The following AAR2 variants were observed in gnomAD, a reference collection of about 807,000 sequenced individuals.
The protein encoded by AAR2 is protein AAR2 homolog.
A neutral mutation model predicts 26.9 loss-of-function variants in AAR2; 31 were observed. The ratio of observed to expected loss-of-function variants is 1.15; its 90% CI spans 0.86 to 1.55. The LOEUF is 1.55. AAR2 is among the 40% of genes most tolerant of loss of function. The probability of loss-of-function intolerance (pLI) is 0.00; values close to 1 mark genes in which losing one functional copy is unlikely to be tolerated. For missense variants in AAR2, 430 were observed against 491.3 expected, an observed-to-expected ratio of 0.88 and a Z score of 1.18; for synonymous variants, 188 against 196.1, an observed-to-expected ratio of 0.96 and a Z score of 0.34.
intron 2 of AAR2, among the ~76,000 whole-genome samples, chr20:36,242,386 TTG>T (rs2064692047): frequency 6.7e-6 from 1 of 149,420 alleles, no homozygotes; most frequent in Non-Finnish European, 1.5e-5. Context: ...GTTGTTGTTG[TTG>T]TTGTTGTTGT....
At chr20:36,251,195 CAA>C (rs36018770) in intron 3 of AAR2, among the ~76,000 whole-genome samples, 26 of 136,652 alleles carry the variant, frequency 1.9e-4, no homozygotes, top group African/African-American at 3.0e-4. Flanking sequence ...GACCCTATCT[CAA>C]AAAAAAAAAA....
At chr20:36,243,224 A>G (rs1441264041) in intron 2 of AAR2, among the ~76,000 whole-genome samples, 2 of 152,246 alleles carry the variant, frequency 1.3e-5, no homozygotes, top group Admixed American at 1.3e-4. Context: ...AAATGCACAA[A>G]TTTAATAAAT....
chr20:36,247,633 C>T (rs577207460), intron 3 of AAR2, among the ~76,000 whole-genome samples: 5 of 152,132 alleles, frequency 3.3e-5, no homozygotes, highest in South Asian at 4.2e-4. Context: ...TTTGGGAGGC[C>T]GAGGCTGGAG....
chr20:36,239,374 G>A (rs945627212), intron 1 of AAR2, among the ~76,000 whole-genome samples: 5 of 152,132 alleles, frequency 3.3e-5, no homozygotes, highest in Non-Finnish European at 7.3e-5. Flanking sequence ...AAATCTTTTG[G>A]GATAGTTTTT....
At position 36,239,868 on chromosome 20, in the gene AAR2, C is replaced by T; in HGVS notation, c.-1C>T. 6.3e-7 allele frequency: 1 copy of T among 1,575,226 alleles called. No individual in the cohort carries two copies. Among genetic ancestry groups the T allele is most frequent in the East Asian group, 2.3e-5 (1 of 44,134 alleles). On this transcript the variant is annotated 5_prime_UTR_variant, in exon 2 of 4. Coordinates refer to ENST00000320849, the MANE Select transcript of AAR2 (RefSeq NM_001271874.2). ...TCTTTTGGTCACCCACCACTGGCCC[C>T]ATGGCTGCCGTGCAGATGGATCCTG...
chr20:36,244,559 G>T, intron 2 of AAR2, 138 bp from the exon 3 acceptor site: 2 of 785,842 alleles, frequency 2.5e-6, no homozygotes, highest in Non-Finnish European at 4.2e-6. Flanking sequence ...TCTCCTGCCA[G>T]GCTCTGCAGG....
At chr20:36,237,438 C>T (rs2064622105) in intron 1 of AAR2, among the ~76,000 whole-genome samples, 1 of 152,068 alleles carries the variant, frequency 6.6e-6, no homozygotes, top group Non-Finnish European at 1.5e-5. Context: ...TTTAGGTGTT[C>T]CAGGACTGTG....
At chr20:36,238,206 A>G (rs1282641412) in intron 1 of AAR2, among the ~76,000 whole-genome samples, 2 of 152,202 alleles carry the variant, frequency 1.3e-5, no homozygotes, top group Admixed American at 6.5e-5. Flanking sequence ...AGAAAACAGT[A>G]CTTAGCTTTA....
In AAR2 at chr20:36,240,394, C is replaced by T; in HGVS notation, c.526C>T (p.Gln176Ter). 1 of 1,614,234 alleles carries T rather than the reference C, an allele frequency of 6.2e-7. No individual in the cohort carries two copies. The highest frequency in any genetic ancestry group is 8.5e-7 in the Non-Finnish European group (1 of 1,180,044). The change falls in exon 2 of 4, where the codon CAG becomes TAG. Residue 176 changes from glutamine to a stop codon, truncating the protein, a stop_gained. Transcript: ENST00000320849. LOFTEE classifies it high-confidence loss of function. The stretch of plus-strand genomic sequence containing the variant: ...GAAGCACACCAAGGACCGCGTGGGG[C>T]AGAATCTACCCCGCTGTGGCATTGA... ...SMKHTKDRVG[Q>*]NLPRCGIECK...
At position 36,256,079 on chromosome 20, in the gene AAR2, C is replaced by T; in HGVS notation, c.*334C>T. On this transcript the variant is annotated 3_prime_UTR_variant, in exon 4 of 4. Transcript: ENST00000320849. ...TCCTCTGAATGAGAAGGAATTGAAC[C>T]AAAAGTCCAAGAAAGAACTGATTGC... is the stretch of plus-strand genomic sequence containing the variant. 4.3e-6 allele frequency: 1 copy of T among 230,266 alleles called. No individual in the cohort carries two copies. Among genetic ancestry groups the T allele is most frequent in the Admixed American group, 5.2e-5 (1 of 19,062 alleles). The allele number at this position is 230,266 out of a possible 1,614,324, so 14.3% of individuals were successfully genotyped here. A position where few individuals can be genotyped will look rare whatever the true frequency, so the allele number is the denominator to read the frequency against.
chr20:36,248,882 C>CTTTT (rs1177521082), intron 3 of AAR2, among the ~76,000 whole-genome samples: 13 of 142,042 alleles, frequency 9.2e-5, no homozygotes, highest in African/African-American at 3.4e-4. Flanking sequence ...TATTGTAAAA[C>CTTTT]TTTTTTTTTT....
Position 36,240,371 on chromosome 20 carries a change from A to G in AAR2, c.503A>G (p.Lys168Arg). The G allele has an allele frequency of 6.2e-7, 1 of 1,614,230 alleles. No homozygotes were observed. Among genetic ancestry groups the G allele is most frequent in the Non-Finnish European group, 8.5e-7 (1 of 1,180,044 alleles). ...GATGTGCTACCTGTGCTCTCCATGA[A>G]GCACACCAAGGACCGCGTGGGGCAG... The part of the protein sequence containing the change: ...FSDVLPVLSM[K>R]HTKDRVGQNL... The change falls in exon 2 of 4, where the codon AAG (lysine) becomes AGG (arginine). Residue 168 changes from lysine (K) to arginine (R), a missense_variant. Coordinates refer to ENST00000320849, the MANE Select transcript of AAR2 (RefSeq NM_001271874.2).
Position 36,247,645 on chromosome 20 carries a change from ATCACTTGAGG to A in AAR2, c.987+2723_987+2732del, listed in dbSNP as rs566787410. 6.9e-4 allele frequency among the ~76,000 whole-genome samples: 105 copies of A among 152,240 alleles called. 1 individual carries two copies. Among genetic ancestry groups the A allele is most frequent in the African/African-American group, 2.4e-3 (100 of 41,522 alleles). ...CACTTTGGGAGGCCGAGGCTGGAGGATCACTTGAGGTCAGGAGTTAGAGACCAGCCTGGCC... is the reference window on the plus strand; with the variant it reads ...CACTTTGGGAGGCCGAGGCTGGAGGATCAGGAGTTAGAGACCAGCCTGGCC... On this transcript the variant is annotated intron_variant, in intron 3 of 3. Coordinates refer to ENST00000320849, the MANE Select transcript of AAR2 (RefSeq NM_001271874.2).
intron 1 of AAR2, among the ~76,000 whole-genome samples, 183 bp from the exon 2 acceptor site, chr20:36,239,638 A>G (rs1480282381): frequency 6.6e-6 from 1 of 152,234 alleles, no homozygotes; most frequent in Non-Finnish European, 1.5e-5. Flanking sequence ...AAGCCAAAAC[A>G]CAAAAATCCT....
Position 36,251,353 on chromosome 20 carries a change from C to T in AAR2, c.988-4225C>T, listed in dbSNP as rs561495531. Among the ~76,000 whole-genome samples the T allele has an allele frequency of 3.9e-5, 6 of 152,006 alleles. No homozygotes were observed. In the South Asian group the frequency reaches 1.2e-3, roughly 32 times the overall value. ...TTCAGCATGGGCAACAGTGAGATCC[C>T]GTCTCTAAAAAATAAATAAAATAAA... is the stretch of plus-strand genomic sequence containing the variant. On this transcript the variant is annotated intron_variant, in intron 3 of 3. Coordinates refer to ENST00000320849, the MANE Select transcript of AAR2 (RefSeq NM_001271874.2).
At chr20:36,253,773 G>C (rs1268380762) in intron 3 of AAR2, among the ~76,000 whole-genome samples, 1 of 152,088 alleles carries the variant, frequency 6.6e-6, no homozygotes, top group Admixed American at 6.5e-5. Flanking sequence ...TTTACAAATG[G>C]GCAAGGAAGT....
At chr20:36,248,882 C>CTTT (rs1177521082) in intron 3 of AAR2, among the ~76,000 whole-genome samples, 2 of 142,042 alleles carry the variant, frequency 1.4e-5, no homozygotes, top group Admixed American at 7.1e-5. Context: ...TATTGTAAAA[C>CTTT]TTTTTTTTTT....
chr20:36,240,729 C>T lies in AAR2; in HGVS notation c.757+104C>T, dbSNP rs113433360. 138 of 1,425,232 alleles carry T rather than the reference C, an allele frequency of 9.7e-5. No homozygotes were observed. The African/African-American group carries it at 1.7e-3, about 18-fold the overall frequency. 88.3% of individuals were successfully genotyped at this position (1,425,232 alleles called of 1,614,324 possible). On this transcript the variant is annotated intron_variant, in intron 2 of 3. Transcript: ENST00000320849. ...TTGTGTTAGTCCAGCAGCAACTAAA[C>T]CTGGCTAGGAGGCTGAAGATACAGG...
intron 3 of AAR2, among the ~76,000 whole-genome samples, chr20:36,249,904 T>G (rs1479868507): frequency 1.3e-5 from 2 of 152,226 alleles, no homozygotes; most frequent in African/African-American, 4.8e-5. Flanking sequence ...ATGCTGCTTT[T>G]TACCTTCCTG....
Sources: allele counts gnomAD v4.1 joint callset (sites outside exome capture counted in the v4.1 genomes callset), GRCh38; gene constraint gnomAD v4.1.1; transcripts MANE v1.5; gene names NCBI Gene and HGNC (gene_info 2026-07-23, HGNC 2026-07-21).